Variants in ATRNL1 observed in about 807,000 individuals in gnomAD.
The protein encoded by ATRNL1 is attractin like 1.
ATRNL1 carries 95 observed loss-of-function variants against 182.7 expected under a neutral mutation model. That is an observed-to-expected ratio of 0.52 (90% CI 0.44 to 0.62). The LOEUF is 0.62. ATRNL1 is among the 20% of genes least tolerant of loss of function. The pLI is 0.00. For synonymous variants in ATRNL1, 576 were observed against 568.3 expected, an observed-to-expected ratio of 1.01 and a Z score of -0.19; for missense variants, 1,471 against 1,679.5, an observed-to-expected ratio of 0.88 and a Z score of 2.17.
At chr10:115,121,838 C>A in intron 3 of ATRNL1, 26 bp downstream of exon 3, 1 of 1,138,296 alleles carries the variant, frequency 8.8e-7, no homozygotes, top group Non-Finnish European at 1.3e-6. Context: ...TAATCAGTTG[C>A]AGAAAAGTGA....
intron 26 of ATRNL1, among the ~76,000 whole-genome samples, chr10:115,618,600 G>C (rs1377779029): frequency 6.0e-5 from 9 of 149,642 alleles, no homozygotes; most frequent in African/African-American, 2.2e-4. Context: ...TCTTCTCCTT[G>C]ATCTACACTG....
intron 19 of ATRNL1, among the ~76,000 whole-genome samples, chr10:115,385,362 G>C (rs1489667342): frequency 6.6e-6 from 1 of 151,976 alleles, no homozygotes; most frequent in Non-Finnish European, 1.5e-5. Flanking sequence ...CTGCTTGTGC[G>C]TATGAAGTAT....
At chr10:115,888,215 T>C (rs2134456300) in intron 28 of ATRNL1, among the ~76,000 whole-genome samples, 1 of 152,338 alleles carries the variant, frequency 6.6e-6, no homozygotes, top group Non-Finnish European at 1.5e-5. Context: ...AGCTCAATCA[T>C]TTCTTCCTCA....
At chr10:115,723,809 C>T (rs533206313) in intron 26 of ATRNL1, among the ~76,000 whole-genome samples, 8 of 152,248 alleles carry the variant, frequency 5.3e-5, no homozygotes, top group African/African-American at 1.9e-4. Flanking sequence ...CCACCTGCCT[C>T]GGCCTCCCAA....
chr10:115,211,023 C>G (rs1848998474), intron 8 of ATRNL1, among the ~76,000 whole-genome samples: 1 of 147,796 alleles, frequency 6.8e-6, no homozygotes, highest in South Asian at 2.1e-4. Flanking sequence ...ATTCATGTTT[C>G]TGCTCTATTT....
intron 20 of ATRNL1, among the ~76,000 whole-genome samples, chr10:115,417,836 A>G (rs1375052258): frequency 1.3e-5 from 2 of 152,136 alleles, no homozygotes; most frequent in African/African-American, 4.8e-5. Context: ...TGTGGCAGAT[A>G]TGGGCTTAGA....
At chr10:115,753,925 T>C (rs1227664589) in intron 27 of ATRNL1, among the ~76,000 whole-genome samples, 2 of 152,116 alleles carry the variant, frequency 1.3e-5, no homozygotes, top group Admixed American at 1.3e-4. Context: ...TCTAATGACC[T>C]GTGATGATGA....
chr10:115,448,234 A>G (rs1847103873), intron 21 of ATRNL1, among the ~76,000 whole-genome samples: 1 of 152,146 alleles, frequency 6.6e-6, no homozygotes. Context: ...TGACATTTAT[A>G]CATTCTTCTC....
intron 28 of ATRNL1, 92 bp downstream of exon 28, chr10:115,848,083 CT>C (rs1950971061): frequency 1.4e-6 from 1 of 729,788 alleles, no homozygotes; most frequent in African/African-American, 1.8e-5. Flanking sequence ...CAGTAAGGAC[CT>C]TTGCAAGGTT....
chr10:115,761,258 G>A (rs1555073559), intron 27 of ATRNL1, among the ~76,000 whole-genome samples: 1 of 152,132 alleles, frequency 6.6e-6, no homozygotes, highest in East Asian at 1.9e-4. Context: ...ACATATTAAA[G>A]AAGCCAATAA....
At chr10:115,224,481 C>T (rs908199511) in intron 9 of ATRNL1, among the ~76,000 whole-genome samples, 16 of 151,874 alleles carry the variant, frequency 1.1e-4, no homozygotes, top group African/African-American at 3.6e-4. Flanking sequence ...AGGAAAGGAA[C>T]ATGAGATAAG....
intron 28 of ATRNL1, among the ~76,000 whole-genome samples, chr10:115,917,358 T>C (rs1235249191): frequency 1.3e-5 from 2 of 151,616 alleles, no homozygotes; most frequent in East Asian, 3.9e-4. Context: ...TAGTTCCAGC[T>C]ACTCGGGAGG....
intron 25 of ATRNL1, among the ~76,000 whole-genome samples, chr10:115,524,482 G>A (rs1341278411): frequency 6.6e-6 from 1 of 152,130 alleles, no homozygotes; most frequent in Admixed American, 6.5e-5. Context: ...TTATTTTAAA[G>A]AACTAAATTA....
intron 10 of ATRNL1, among the ~76,000 whole-genome samples, chr10:115,253,759 G>A (rs1307497994): frequency 6.6e-6 from 1 of 152,048 alleles, no homozygotes; most frequent in Admixed American, 6.6e-5. Flanking sequence ...ATTTACATTA[G>A]GTATTTCTCC....
At chr10:115,651,102 AT>A (rs1859967512) in intron 26 of ATRNL1, among the ~76,000 whole-genome samples, 1 of 152,190 alleles carries the variant, frequency 6.6e-6, no homozygotes, top group Non-Finnish European at 1.5e-5. Flanking sequence ...ACAAGCCCTT[AT>A]TCAGCTATTG....
intron 26 of ATRNL1, among the ~76,000 whole-genome samples, chr10:115,559,443 T>TGTGCACGCGC (rs200694810): frequency 1.3e-5 from 1 of 77,788 alleles, no homozygotes; most frequent in East Asian, 2.2e-4. Flanking sequence ...TGTGTGTGTG[T>TGTGCACGCGC]GCGCGCGCGC....
intron 22 of ATRNL1, among the ~76,000 whole-genome samples, chr10:115,466,211 G>A (rs1848045759): frequency 1.3e-5 from 2 of 151,262 alleles, no homozygotes; most frequent in African/African-American, 4.8e-5. Context: ...AGAAAATTGG[G>A]AATATATTTT....
chr10:115,779,921 T>A (rs1949221057), intron 27 of ATRNL1, among the ~76,000 whole-genome samples: 1 of 152,188 alleles, frequency 6.6e-6, no homozygotes, highest in South Asian at 2.1e-4. Context: ...AAGATGGCCA[T>A]TGATCATCCC....
intron 5 of ATRNL1, among the ~76,000 whole-genome samples, chr10:115,137,595 C>T (rs1845572711): frequency 6.6e-6 from 1 of 152,192 alleles, no homozygotes. Context: ...AGAGCTTGTA[C>T]AGGGAAGCTC....
Sources: allele counts gnomAD v4.1 joint callset (sites outside exome capture counted in the v4.1 genomes callset), GRCh38; gene constraint gnomAD v4.1.1; transcripts MANE v1.5; gene names NCBI Gene and HGNC (gene_info 2026-07-23, HGNC 2026-07-21).